The following TUBD1 variants were observed in gnomAD, a reference collection of about 807,000 sequenced individuals.
The protein encoded by TUBD1 is tubulin delta 1.
A neutral mutation model predicts 51.2 loss-of-function variants in TUBD1; 38 were observed. That is an observed-to-expected ratio of 0.74 (90% CI 0.57 to 0.97). The LOEUF (loss-of-function observed/expected upper bound fraction) is 0.97. TUBD1 is among the 50% of genes least tolerant of loss of function. TUBD1 has a pLI of 0.00. For synonymous variants in TUBD1, 169 were observed against 178.2 expected (o/e 0.95, Z 0.41); for missense variants, 489 against 538.4 (o/e 0.91, Z 0.91).
intron 6 of TUBD1, among the ~76,000 whole-genome samples, chr17:59,872,693 AATGTGTGTGTGTGT>A (rs2040040552): frequency 1.0e-5 from 1 of 97,934 alleles, no homozygotes; most frequent in African/African-American, 4.2e-5. Flanking sequence ...TGAAAATGGG[AATGTGTGTGTGTGT>A]GTGTGTGTGT....
intron 8 of TUBD1, among the ~76,000 whole-genome samples, chr17:59,862,956 C>T (rs914954952): frequency 6.6e-6 from 1 of 151,768 alleles, no homozygotes; most frequent in Admixed American, 6.6e-5. Flanking sequence ...GAAATCCTGA[C>T]CTCAGCTGAT....
intron 6 of TUBD1, among the ~76,000 whole-genome samples, chr17:59,872,265 A>C (rs758113326): frequency 1.3e-5 from 2 of 151,654 alleles, no homozygotes; most frequent in African/African-American, 2.4e-5. Flanking sequence ...TAATTTTTTT[A>C]AATTATTTTT....
At chr17:59,891,611 T>C (rs2041048686) in intron 1 of TUBD1, among the ~76,000 whole-genome samples, 1 of 152,174 alleles carries the variant, frequency 6.6e-6, no homozygotes. Flanking sequence ...AAATCTGATT[T>C]GTAATCACTT....
intron 3 of TUBD1, chr17:59,885,381 G>A: frequency 1.2e-6 from 1 of 849,594 alleles, no homozygotes; most frequent in Admixed American, 1.9e-5. Flanking sequence ...GGAATGTCAT[G>A]TGTATGCAGC....
At chr17:59,866,395 C>T (rs1178391800) in intron 7 of TUBD1, among the ~76,000 whole-genome samples, 3 of 151,886 alleles carry the variant, frequency 2.0e-5, no homozygotes, top group East Asian at 1.9e-4. Flanking sequence ...CTACCACACC[C>T]GGCTAAAGGA....
chr17:59,877,147 C>G (rs1054032599), intron 5 of TUBD1, among the ~76,000 whole-genome samples: 2 of 152,178 alleles, frequency 1.3e-5, no homozygotes, highest in African/African-American at 4.8e-5. Context: ...GCGTGAGCCA[C>G]CACGCCTGGC....
At position 59,865,363 on chromosome 17, in the gene TUBD1, C is replaced by G. The variant is rs543047387; in HGVS notation, c.1075+1246G>C. ...CTTGAGGTCTGCAGTTTGAGACCAG[C>G]CTGGTCTGCAGTTTGAGACCAGCCT... On this transcript the variant is annotated intron_variant, in intron 7 of 8. Transcript: ENST00000325752. 2.0e-5 allele frequency among the ~76,000 whole-genome samples: 3 copies of G among 150,416 alleles called. No individual in the cohort carries two copies. The East Asian group carries it at 6.1e-4, about 30-fold the overall frequency.
At chr17:59,881,998 T>A (rs1268368918) in intron 3 of TUBD1, among the ~76,000 whole-genome samples, 4 of 152,228 alleles carry the variant, frequency 2.6e-5, no homozygotes, top group African/African-American at 9.6e-5. Context: ...ATACAATAAA[T>A]TATTGTTAAC....
At chr17:59,866,228 A>G (rs767276787) in intron 7 of TUBD1, among the ~76,000 whole-genome samples, 1 of 146,390 alleles carries the variant, frequency 6.8e-6, no homozygotes, top group Non-Finnish European at 1.5e-5. Flanking sequence ...TCAGAAAACA[A>G]TTCTTTTTTT....
At chr17:59,888,069 G>A (rs1045925461) in intron 2 of TUBD1, among the ~76,000 whole-genome samples, 3 of 151,998 alleles carry the variant, frequency 2.0e-5, no homozygotes, top group African/African-American at 7.2e-5. Context: ...CAAGTAGCTG[G>A]GACTACAGGC....
chr17:59,869,390 C>T (rs143287181), intron 6 of TUBD1, among the ~76,000 whole-genome samples: 11 of 150,888 alleles, frequency 7.3e-5, no homozygotes, highest in East Asian at 2.0e-4. Context: ...GCAAAAGAAT[C>T]GCTTCAACTG....
intron 2 of TUBD1, among the ~76,000 whole-genome samples, chr17:59,887,318 G>A (rs1000447024): frequency 3.9e-5 from 6 of 151,904 alleles, no homozygotes; most frequent in Non-Finnish European, 7.4e-5. Flanking sequence ...GTTGCAATGA[G>A]CTGCAATCAC....
At chr17:59,878,396 T>A (rs2040324113) in intron 4 of TUBD1, 62 bp from the exon 5 acceptor site, 1 of 1,193,448 alleles carries the variant, frequency 8.4e-7, no homozygotes, top group African/African-American at 1.5e-5. Flanking sequence ...GATTACAGAT[T>A]CTCAAGGCAT....
chr17:59,864,120 T>C (rs2039589939), intron 7 of TUBD1, among the ~76,000 whole-genome samples: 1 of 152,072 alleles, frequency 6.6e-6, no homozygotes, highest in Non-Finnish European at 1.5e-5. Context: ...GTGTGCATTC[T>C]TCTTAACACT....
intron 1 of TUBD1, among the ~76,000 whole-genome samples, chr17:59,891,250 C>A (rs988623012): frequency 5.9e-5 from 9 of 152,158 alleles, no homozygotes; most frequent in Non-Finnish European, 1.0e-4. Flanking sequence ...CCTGCCTCAG[C>A]CTCCCGAGTA....
chr17:59,888,604 A>T (rs985800622), intron 2 of TUBD1, among the ~76,000 whole-genome samples: 1 of 152,232 alleles, frequency 6.6e-6, no homozygotes, highest in African/African-American at 2.4e-5. Context: ...TAAATGTAGC[A>T]AACTATGACA....
chr17:59,865,072 G>A (rs1042684108), intron 7 of TUBD1, among the ~76,000 whole-genome samples: 3 of 151,230 alleles, frequency 2.0e-5, no homozygotes, highest in Non-Finnish European at 2.9e-5. Context: ...TGCCCAGGCT[G>A]GTTTCGAACT....
In TUBD1 at chr17:59,886,086, T is replaced by C; in HGVS notation, c.317A>G (p.Tyr106Cys). The C allele has an allele frequency of 6.2e-7, 1 of 1,613,714 alleles. No individual in the cohort carries two copies. The highest frequency in any genetic ancestry group is 8.5e-7 in the Non-Finnish European group (1 of 1,179,916). The change falls in exon 3 of 9, where the codon TAT (tyrosine) becomes TGT (cysteine). Residue 106 changes from tyrosine to cysteine, a missense_variant. By Grantham distance (194) the Tyr-to-Cys change is radical. Coordinates refer to ENST00000325752, the MANE Select transcript of TUBD1 (RefSeq NM_016261.4). ...QKQGSGNNWA[Y>C]GYSVHGPRHE... ...AATCACAAGAAATTATTCTTACCCA[T>C]ATGCCCAGTTGTTTCCAGAACCTTG...
rs2039712430 is a variant in TUBD1, at chr17:59,866,624, G to A, written c.1060C>T (p.Gln354Ter). 6.2e-7 allele frequency: 1 copy of A among 1,613,850 alleles called. No individual in the cohort carries two copies. Among genetic ancestry groups the A allele is most frequent in the Non-Finnish European group, 8.5e-7 (1 of 1,179,966 alleles). ...NLVILRGKDVQSADVEGFKDP... is the reference protein window; with the variant it reads ...NLVILRGKDV ...AATTTCTTACCCACATCTGCACTTT[G>A]CACATCTTTCCCACGAAGAATGACC... The change falls in exon 7 of 9, where the codon CAA becomes TAA. Residue 354 changes from glutamine to a stop codon, truncating the protein, a stop_gained. Transcript: ENST00000325752. LOFTEE classifies it high-confidence loss of function.
Sources: allele counts gnomAD v4.1 joint callset (sites outside exome capture counted in the v4.1 genomes callset), GRCh38; gene constraint gnomAD v4.1.1; transcripts MANE v1.5; gene names NCBI Gene and HGNC (gene_info 2026-07-23, HGNC 2026-07-21).